OR3A2: variants seen among roughly 807,000 people sequenced by gnomAD.
OR3A2 encodes olfactory receptor 3A2.
For synonymous variants in OR3A2, 126 were observed against 159.3 expected (o/e 0.79, Z 1.57); for missense variants, 318 against 392.8 (o/e 0.81, Z 1.61).
At chr17:3,334,213 T>C (rs2049261241) in intron 3 of OR3A2, among the ~76,000 whole-genome samples, 1 of 152,184 alleles carries the variant, frequency 6.6e-6, no homozygotes, top group East Asian at 1.9e-4. Flanking sequence ...CTCAGAGATC[T>C]AGAAGCAGAA....
Position 3,385,661 on chromosome 17 carries a change from T to C in OR3A2, c.-275+464A>G, listed in dbSNP as rs1406832692. 4.6e-5 allele frequency among the ~76,000 whole-genome samples: 7 copies of C among 152,156 alleles called. No individual in the cohort carries two copies. The East Asian group carries it at 1.4e-3, about 29-fold the overall frequency. On this transcript the variant is annotated intron_variant, in intron 1 of 4. Coordinates refer to the OR3A2 transcript ENST00000573491. ...CAACACCTTTGTGGTAGAGCCAGGA[T>C]TCAAAGCAGGTCTGACCTACACCAA... is the stretch of plus-strand genomic sequence containing the variant.
At chr17:3,319,777 G>C (rs1297028842) in intron 3 of OR3A2, among the ~76,000 whole-genome samples, 1 of 152,118 alleles carries the variant, frequency 6.6e-6, no homozygotes, top group Non-Finnish European at 1.5e-5. Flanking sequence ...GTCTATTGTT[G>C]TTGGACATCT....
At chr17:3,340,161 C>CTTT (rs1597349080) in intron 2 of OR3A2, among the ~76,000 whole-genome samples, 1 of 150,912 alleles carries the variant, frequency 6.6e-6, no homozygotes, top group Admixed American at 6.6e-5. Flanking sequence ...ATTCTTCTCT[C>CTTT]TTCTTATTAG....
At chr17:3,326,615 CA>C (rs1188441204) in intron 3 of OR3A2, among the ~76,000 whole-genome samples, 1 of 149,964 alleles carries the variant, frequency 6.7e-6, no homozygotes, top group Non-Finnish European at 1.5e-5. Flanking sequence ...AGGTCAGTTA[CA>C]TATGTATACA....
Position 3,360,232 on chromosome 17 carries a change from T to C in OR3A2, c.-179+23572A>G, listed in dbSNP as rs547963859. On this transcript the variant is annotated intron_variant, in intron 2 of 4. Coordinates refer to the OR3A2 transcript ENST00000573491. ...CATAAATGTCTTCTTTTGCGAAGTG[T>C]CTGTTCATATCCTTCGCCCACTTTT... is the stretch of plus-strand genomic sequence containing the variant. Among the ~76,000 whole-genome samples the C allele has an allele frequency of 1.9e-3, 290 of 149,942 alleles. 2 individuals are homozygous for C. Among genetic ancestry groups the C allele is most frequent in the Middle Eastern group, 6.8e-3 (2 of 294 alleles).
intron 2 of OR3A2, among the ~76,000 whole-genome samples, chr17:3,350,999 A>C (rs2049415377): frequency 6.6e-6 from 1 of 151,878 alleles, no homozygotes; most frequent in Admixed American, 6.6e-5. Context: ...CATGCTAAAA[A>C]CTCTCAATAA....
chr17:3,348,494 G>C (rs1003560323), intron 2 of OR3A2, among the ~76,000 whole-genome samples: 4 of 152,136 alleles, frequency 2.6e-5, no homozygotes. Context: ...AGAATAAAAA[G>C]AAACGAGCAA....
At chr17:3,367,856 C>T (rs576395687) in intron 2 of OR3A2, among the ~76,000 whole-genome samples, 3 of 152,048 alleles carry the variant, frequency 2.0e-5, no homozygotes, top group African/African-American at 7.2e-5. Flanking sequence ...CCAGTTTACA[C>T]TCCCACCAAC....
intron 3 of OR3A2, among the ~76,000 whole-genome samples, chr17:3,300,642 C>T (rs116965322): frequency 0.034 from 5,201 of 151,752 alleles, 150 homozygotes; most frequent in Non-Finnish European, 0.057. Flanking sequence ...AATGAAGAAA[C>T]GACATAATAT....
chr17:3,359,133 T>C (rs1350618941), intron 2 of OR3A2, among the ~76,000 whole-genome samples: 1 of 151,808 alleles, frequency 6.6e-6, no homozygotes, highest in Non-Finnish European at 1.5e-5. Flanking sequence ...GCTGGGTAGA[T>C]TTTCCTCCAT....
intron 3 of OR3A2, chr17:3,310,800 G>A: frequency 1.4e-6 from 1 of 692,296 alleles, no homozygotes; most frequent in Admixed American, 1.9e-5. Context: ...GACCCAAACT[G>A]TTGCCCTGTC....
chr17:3,346,784 C>G (rs2049367290), intron 2 of OR3A2, among the ~76,000 whole-genome samples: 1 of 152,086 alleles, frequency 6.6e-6, no homozygotes, highest in South Asian at 2.1e-4. Flanking sequence ...TAAGTGAGAA[C>G]ACATGATGTT....
intron 2 of OR3A2, among the ~76,000 whole-genome samples, chr17:3,374,804 C>T (rs1442911386): frequency 2.6e-5 from 4 of 152,130 alleles, no homozygotes; most frequent in African/African-American, 9.7e-5. Flanking sequence ...GTGGTGCACT[C>T]ATCACTCAAA....
intron 2 of OR3A2, among the ~76,000 whole-genome samples, chr17:3,359,729 G>A (rs1050313993): frequency 3.3e-5 from 5 of 151,544 alleles, no homozygotes; most frequent in Non-Finnish European, 5.9e-5. Context: ...CTTCATCCAT[G>A]TCCCTACAAA....
intron 3 of OR3A2, among the ~76,000 whole-genome samples, chr17:3,330,656 C>T (rs1459227478): frequency 6.6e-6 from 1 of 152,096 alleles, no homozygotes; most frequent in Non-Finnish European, 1.5e-5. Context: ...TGGGTCTTGA[C>T]TCTTTATCCA....
At chr17:3,303,995 AAT>A (rs61331985) in intron 3 of OR3A2, among the ~76,000 whole-genome samples, 115,697 of 143,996 alleles carry the variant, frequency 0.8, 47,404 homozygotes, top group East Asian at 0.94. Flanking sequence ...TTATACTAAT[AAT>A]ATATATATAT....
At chr17:3,380,101 A>G (rs375121645) in intron 2 of OR3A2, among the ~76,000 whole-genome samples, 1 of 152,178 alleles carries the variant, frequency 6.6e-6, no homozygotes, top group Non-Finnish European at 1.5e-5. Flanking sequence ...GCTGAGGCCA[A>G]TCTTCCTCTC....
At chr17:3,291,527 T>G in intron 3 of OR3A2, 1 of 792,470 alleles carries the variant, frequency 1.3e-6, no homozygotes, top group South Asian at 1.9e-5. Flanking sequence ...GTCCTTCTTA[T>G]GCCCATGAAA....
intron 3 of OR3A2, among the ~76,000 whole-genome samples, chr17:3,332,208 G>A (rs1281977646): frequency 1.3e-5 from 2 of 152,242 alleles, no homozygotes; most frequent in Non-Finnish European, 2.9e-5. Flanking sequence ...ACAGAGGCAG[G>A]CAGGCCTCCT....
Sources: gnomAD v4.1 joint callset for allele counts (sites outside exome capture counted in the v4.1 genomes callset) on GRCh38, gnomAD v4.1.1 for gene constraint, MANE v1.5 for transcripts, NCBI Gene and HGNC (gene_info 2026-07-23, HGNC 2026-07-21) for gene names.